KLHL13: variants seen among roughly 807,000 people sequenced by gnomAD.
The protein encoded by KLHL13 is kelch like family member 13.
KLHL13 carries 10 observed loss-of-function variants against 37.1 expected under a neutral mutation model. That is an observed-to-expected ratio of 0.27 (90% CI 0.17 to 0.46). The LOEUF (loss-of-function observed/expected upper bound fraction) is 0.46, where lower values mean the gene tolerates loss of function less well. Ranked by LOEUF, KLHL13 falls within the 20% of genes least tolerant of loss-of-function variation. The probability of loss-of-function intolerance (pLI) is 1.00; values close to 1 mark genes in which losing one functional copy is unlikely to be tolerated. For missense variants in KLHL13, 360 were observed against 509.3 expected (o/e 0.71, Z 2.82); for synonymous variants, 163 against 181.2 (o/e 0.90, Z 0.81).
Position 118,041,362 on chromosome X carries a change from AC to A in KLHL13, c.-56+75145del, listed in dbSNP as rs779628024. On this transcript the variant is annotated intron_variant, in intron 1 of 6. Transcript: ENST00000371882. Reference sequence around the variant, plus strand: ...GGCAACATGGCAAAACCCTGTCTCTACAAAAAACACAAAAACTAGCCAGGCA... The same window carrying A: ...GGCAACATGGCAAAACCCTGTCTCTAAAAAAACACAAAAACTAGCCAGGCA... Among the ~76,000 whole-genome samples, 5 of 110,969 alleles carry A rather than the reference AC, an allele frequency of 4.5e-5. No homozygotes were observed. The East Asian group carries it at 1.4e-3, about 32-fold the overall frequency.
chrX:118,090,074 C>T (rs764645342), intron 1 of KLHL13, among the ~76,000 whole-genome samples: 1 of 47,297 alleles, frequency 2.1e-5, no homozygotes, highest in Non-Finnish European at 4.0e-5. Flanking sequence ...GAGCAAGACT[C>T]TGTCTCAAAA....
In KLHL13 at chrX:117,957,242, A is replaced by C. The variant is rs948748211; in HGVS notation, c.99-11667T>G. ...GGATTTAATTATAATTTTCACATAC[A>C]TAATGGTCTTTATACATACTGTGAT... On this transcript the variant is annotated intron_variant, in intron 1 of 6. Transcript: ENST00000262820. 3.6e-5 allele frequency among the ~76,000 whole-genome samples: 4 copies of C among 111,664 alleles called. No individual in the cohort carries two copies. In the Admixed American group the frequency reaches 3.8e-4, roughly 11 times the overall value.
intron 1 of KLHL13, among the ~76,000 whole-genome samples, chrX:117,963,782 T>A (rs1298172091): frequency 9.6e-6 from 1 of 103,795 alleles, no homozygotes; most frequent in Non-Finnish European, 2.0e-5. Context: ...AGATGATATC[T>A]CATAGTGGTT....
chrX:117,996,705 A>G (rs1322309345), intron 1 of KLHL13, among the ~76,000 whole-genome samples: 2 of 110,280 alleles, frequency 1.8e-5, no homozygotes, highest in African/African-American at 6.6e-5. Context: ...TTTTTTCCTA[A>G]TCAGCGTTAA....
upstream of KLHL13, chrX:118,116,964 G>C (rs942198973): frequency 7.2e-5 from 8 of 111,322 alleles, no homozygotes; most frequent in African/African-American, 2.6e-4. Flanking sequence ...GGCTAGGACG[G>C]TGTGTGGGGT....
In KLHL13 at chrX:118,053,145, T is replaced by G. The variant is rs935468333; in HGVS notation, c.-56+63363A>C. On this transcript the variant is annotated intron_variant, in intron 1 of 6. Transcript: ENST00000371882. The stretch of plus-strand genomic sequence containing the variant: ...CCCAGCCATCCCATTACTGGGTATA[T>G]ACCCAAAGGATTATAAAACATGCTG... Among the ~76,000 whole-genome samples the G allele has an allele frequency of 3.6e-5, 4 of 111,946 alleles. No individual in the cohort carries two copies. The South Asian group carries it at 1.5e-3, about 42-fold the overall frequency.
At chrX:118,008,266 G>C (rs1385539079) in intron 1 of KLHL13, among the ~76,000 whole-genome samples, 1 of 111,778 alleles carries the variant, frequency 8.9e-6, no homozygotes, top group African/African-American at 3.3e-5. Context: ...AAGGAGGGAA[G>C]TGAACATCTG....
chrX:118,033,149 C>G (rs920226743), intron 1 of KLHL13, among the ~76,000 whole-genome samples: 1 of 111,247 alleles, frequency 9.0e-6, no homozygotes, highest in Admixed American at 9.5e-5. Flanking sequence ...GGGAATGGAA[C>G]CAAGTTGGAA....
intron 1 of KLHL13, among the ~76,000 whole-genome samples, chrX:118,111,931 A>G (rs760520411): frequency 2.9e-4 from 32 of 111,736 alleles, no homozygotes; most frequent in Non-Finnish European, 4.7e-4. Flanking sequence ...GAAAAGAAAA[A>G]GTGGGCCTAG....
intron 1 of KLHL13, chrX:117,945,867 T>A (rs1933294588): frequency 1.6e-5 from 3 of 186,247 alleles, no homozygotes; most frequent in Non-Finnish European, 3.0e-5. Flanking sequence ...ACTGTTGATA[T>A]GTTACTATTT....
intron 1 of KLHL13, among the ~76,000 whole-genome samples, chrX:118,095,732 G>A (rs1248223151): frequency 2.7e-5 from 3 of 112,205 alleles, no homozygotes; most frequent in Admixed American, 1.9e-4. Flanking sequence ...TCAGGATTAA[G>A]AAACTCATTC....
At chrX:118,098,964 G>A (rs1163213211) in intron 1 of KLHL13, among the ~76,000 whole-genome samples, 2 of 55,066 alleles carry the variant, frequency 3.6e-5, no homozygotes, top group Admixed American at 2.3e-4. Context: ...GGGGAGGGGG[G>A]AGAGGGGAGG....
chrX:117,898,693 T>C (rs1182096037), exon 7 of KLHL13: 1 of 383,150 alleles, frequency 2.6e-6, no homozygotes, highest in Admixed American at 5.0e-5. Flanking sequence ...CATCAGCTTC[T>C]ATGGGATACA....
At chrX:117,973,862 A>C, upstream of KLHL13, 8 of 341,686 alleles carry the variant, frequency 2.3e-5, no homozygotes, top group Non-Finnish European at 2.9e-5. Flanking sequence ...ACAGCTCACA[A>C]ATTGCCTAGA....
intron 1 of KLHL13, among the ~76,000 whole-genome samples, chrX:118,095,140 A>C (rs1463275216): frequency 9.0e-6 from 1 of 111,675 alleles, no homozygotes; most frequent in Non-Finnish European, 1.9e-5. Flanking sequence ...TGCATTCAGG[A>C]AATGCATCTC....
At chrX:117,996,611 C>T (rs2053857101) in intron 1 of KLHL13, among the ~76,000 whole-genome samples, 1 of 111,287 alleles carries the variant, frequency 9.0e-6, no homozygotes, top group Admixed American at 9.6e-5. Flanking sequence ...ACCAGTAATT[C>T]ACTTGGTCTG....
In KLHL13 at chrX:118,045,853, C is replaced by T. The variant is rs183390885; in HGVS notation, c.-56+70655G>A. 1.5e-3 allele frequency among the ~76,000 whole-genome samples: 165 copies of T among 111,643 alleles called. 2 individuals carry two copies. Among genetic ancestry groups the T allele is most frequent in the African/African-American group, 5.2e-3 (160 of 30,711 alleles). On this transcript the variant is annotated intron_variant, in intron 1 of 6. Coordinates refer to the KLHL13 transcript ENST00000371882. ...AAACTACACTGAGATATCATCTCAT[C>T]TCAGTTAAAATGGCTTTTATCCAAA...
At position 118,048,500 on chromosome X, in the gene KLHL13, T is replaced by C. The variant is rs753772263; in HGVS notation, c.-56+68008A>G. On this transcript the variant is annotated intron_variant, in intron 1 of 6. Transcript: ENST00000371882. ...TTTTGTTGAGGATCTAAAACAAAAA[T>C]GGCAAAATTTTGAGGTTTTACACAG... Among the ~76,000 whole-genome samples, 12 of 111,611 alleles carry C rather than the reference T, an allele frequency of 1.1e-4. No individual in the cohort carries two copies. The East Asian group carries it at 2.8e-3, about 26-fold the overall frequency.
chrX:118,033,142 A>T (rs2054382054), intron 1 of KLHL13, among the ~76,000 whole-genome samples: 1 of 110,968 alleles, frequency 9.0e-6, no homozygotes, highest in Non-Finnish European at 1.9e-5. Context: ...GAGGGGGGGG[A>T]ATGGAACCAA....
Sources: allele counts gnomAD v4.1 joint callset (sites outside exome capture counted in the v4.1 genomes callset), GRCh38; gene constraint gnomAD v4.1.1; transcripts MANE v1.5; gene names NCBI Gene and HGNC (gene_info 2026-07-23, HGNC 2026-07-21).